The following GRIN2D variants were observed in gnomAD, a reference collection of about 807,000 sequenced individuals.
GRIN2D encodes the protein glutamate receptor ionotropic, NMDA 2D.
In GRIN2D, 37 loss-of-function variants were observed where a neutral mutation model predicts 103.2. The observed-to-expected ratio is 0.36, with a 90% confidence interval of 0.28 to 0.47. The LOEUF (loss-of-function observed/expected upper bound fraction) is 0.47. GRIN2D is among the 20% of genes least tolerant of loss of function. GRIN2D has a pLI of 1.00. For missense variants in GRIN2D, 1,557 were observed against 1,910.6 expected (o/e 0.81, Z 3.45); for synonymous variants, 845 against 885.6 (o/e 0.95, Z 0.81).
chr19:48,405,172 G>T lies in GRIN2D; in HGVS notation c.904G>T (p.Ala302Ser). ...PLLPGGAPLPAGLFAVRSAGW... is the reference protein window; with the variant it reads ...PLLPGGAPLPSGLFAVRSAGW... Reference sequence around the variant, plus strand: ...TCTGCCAGGAGGCGCCCCCCTGCCTGCCGGGCTGTTTGCAGTGCGCTCGGC... The same window carrying T: ...TCTGCCAGGAGGCGCCCCCCTGCCTTCCGGGCTGTTTGCAGTGCGCTCGGC... Residue 302 changes from alanine (A) to serine (S), a missense_variant, in exon 4 of 14, where the codon GCC (alanine) becomes TCC (serine). Physicochemically the swap from Ala to Ser is moderately conservative, Grantham distance 99 (BLOSUM62 1). Around this residue, in one of 7 missense-constraint regions of GRIN2D, gnomAD observed 490 missense variants for 601.1 expected, o/e 0.82. Coordinates refer to ENST00000263269, the MANE Select transcript of GRIN2D (RefSeq NM_000836.4). The surrounding 1 kb of genome is among the most constrained non-coding windows in gnomAD (Gnocchi z 5.1). 1 of 1,592,138 alleles carries T rather than the reference G, an allele frequency of 6.3e-7. No individual in the cohort carries two copies. Among genetic ancestry groups the T allele is most frequent in the Non-Finnish European group, 8.5e-7 (1 of 1,171,618 alleles).
chr19:48,426,180 CTTT>C (rs1038320362), intron 11 of GRIN2D, among the ~76,000 whole-genome samples: 3 of 147,282 alleles, frequency 2.0e-5, no homozygotes, highest in Non-Finnish European at 3.0e-5. Flanking sequence ...ATGAATATTG[CTTT>C]TTTTCTTTTC....
chr19:48,431,972 G>T (rs945791769), intron 11 of GRIN2D, among the ~76,000 whole-genome samples: 30 of 151,116 alleles, frequency 2.0e-4, no homozygotes, highest in African/African-American at 6.6e-4. Context: ...AAGTGCAGTG[G>T]CGTGATCTTG....
intron 4 of GRIN2D, among the ~76,000 whole-genome samples, chr19:48,413,061 G>A (rs1393584476): frequency 1.4e-4 from 20 of 144,648 alleles, no homozygotes; most frequent in African/African-American, 4.6e-4. Flanking sequence ...GCTTGAACCC[G>A]GGAGGCGGAG....
intron 2 of GRIN2D, 35 bp from the exon 3 acceptor site, chr19:48,398,332 C>T: frequency 1.1e-6 from 1 of 925,744 alleles, no homozygotes. Context: ...CTGTGCCTCC[C>T]TCTCCTCCCC....
intron 3 of GRIN2D, among the ~76,000 whole-genome samples, chr19:48,402,815 A>G (rs1283673312): frequency 6.9e-6 from 1 of 144,682 alleles, no homozygotes; most frequent in East Asian, 2.2e-4. Flanking sequence ...AATAGGGAAC[A>G]GTCTTGAGAT....
Position 48,419,758 on chromosome 19 carries a change from G to A in GRIN2D, c.2035G>A (p.Ala679Thr). Residue 679 changes from alanine to threonine, a missense_variant, in exon 10 of 14, where the codon GCC (alanine) becomes ACC (threonine). Physicochemically the swap from Ala to Thr is moderately conservative, Grantham distance 58. Transcript: ENST00000263269. Reference protein sequence around the residue: ...FLASYTANLAAFMIQEEYVDT... With the variant: ...FLASYTANLATFMIQEEYVDT... ...CGCCAGCTACACAGCCAACCTGGCC[G>A]CCTTCATGATCCAGGAGGAGTACGT... 1 of 1,613,774 alleles carries A rather than the reference G, an allele frequency of 6.2e-7. No individual in the cohort carries two copies. The highest frequency in any genetic ancestry group is 8.5e-7 in the Non-Finnish European group (1 of 1,179,930).
chr19:48,408,061 G>A (rs1046768705), intron 4 of GRIN2D, among the ~76,000 whole-genome samples: 3 of 152,120 alleles, frequency 2.0e-5, no homozygotes, highest in East Asian at 1.9e-4. Flanking sequence ...TTGGCCGGGC[G>A]TGGTGGCTCA....
rs781152730 is a variant in GRIN2D at position 48,441,983 on chromosome 19, A to T, written c.2440+27A>T. The T allele has an allele frequency of 3.4e-5, 54 of 1,585,976 alleles. 3 individuals are homozygous for T. In the South Asian group the frequency reaches 5.8e-4, roughly 17 times the overall value. ...TGCGGCTGCACACAGGGATTTCCAC[A>T]GCGGAGAGGGGGAGGGCGAGGCCCC... is the stretch of plus-strand genomic sequence containing the variant. On this transcript the variant is annotated intron_variant, in intron 12 of 13. Transcript: ENST00000263269.
chr19:48,412,364 A>G (rs1478871227), intron 4 of GRIN2D, among the ~76,000 whole-genome samples: 10 of 150,310 alleles, frequency 6.7e-5, no homozygotes, highest in Non-Finnish European at 1.0e-4. Flanking sequence ...TACATACATA[A>G]AAATTTAAAA....
At chr19:48,417,246 A>C (rs981530292) in intron 8 of GRIN2D, among the ~76,000 whole-genome samples, 1 of 152,200 alleles carries the variant, frequency 6.6e-6, no homozygotes, top group African/African-American at 2.4e-5. Context: ...TCTCTAAAAA[A>C]GAACAAAGAA....
intron 11 of GRIN2D, among the ~76,000 whole-genome samples, chr19:48,430,273 C>T (rs1026762657): frequency 6.6e-6 from 1 of 152,140 alleles, no homozygotes; most frequent in Non-Finnish European, 1.5e-5. Context: ...GATCTTGGCT[C>T]ACTGCAATCT....
Position 48,419,318 on chromosome 19 carries a change from T to G in GRIN2D, c.1820T>G (p.Leu607Arg). ...GTCACTGTTTTCATCTTCGAGTACC[T>G]CAGTCCTGTTGGTTACAACCGCAGC... ...VAVTVFIFEY[L>R]SPVGYNRSLA... Residue 607 changes from leucine (L) to arginine (R), a missense_variant, in exon 9 of 14, where the codon CTC becomes CGC. Leu to Arg is a moderately radical substitution (Grantham distance 102). This residue lies in a region of GRIN2D where 197 missense variants were observed against 334.1 expected (regional missense o/e 0.59). Transcript: ENST00000263269. 6.2e-7 allele frequency: 1 copy of G among 1,609,622 alleles called. No homozygotes were observed.
Position 48,398,584 on chromosome 19 carries a change from C to A in GRIN2D, c.192C>A (p.Ala64=). The A allele has an allele frequency of 2.5e-6, 3 of 1,197,926 alleles. No homozygotes were observed. In the South Asian group the frequency reaches 1.2e-4, roughly 48 times the overall value. The allele number at this position is 1,197,926 out of a possible 1,614,324, so 74.2% of individuals were successfully genotyped here. ...TGTTCTCGGGGCCCGCGTACGCGGC[C>A]GAGGCGGCACGCCTGGGCCCGGCCG... ...ALVFSGPAYA[A]EAARLGPAVA... The change falls in exon 3 of 14, where the codon GCC becomes GCA. Residue 64 remains alanine (A), a synonymous_variant. Transcript: ENST00000263269.
chr19:48,424,136 C>T (rs1184143462), intron 11 of GRIN2D, among the ~76,000 whole-genome samples: 3 of 148,306 alleles, frequency 2.0e-5, no homozygotes, highest in Admixed American at 6.7e-5. Context: ...ATTTCTAATG[C>T]CCAATGCAGT....
chr19:48,435,412 C>T (rs1971217494), intron 11 of GRIN2D, among the ~76,000 whole-genome samples: 2 of 151,484 alleles, frequency 1.3e-5, no homozygotes, highest in Admixed American at 1.3e-4. Flanking sequence ...GCCTCAGCCT[C>T]CCAAGTAGCT....
chr19:48,396,342 G>A (rs900270335), intron 2 of GRIN2D, among the ~76,000 whole-genome samples: 1 of 151,914 alleles, frequency 6.6e-6, no homozygotes, highest in Admixed American at 6.5e-5. Flanking sequence ...AACTGAGCAT[G>A]CAGCCCCCGT....
intron 8 of GRIN2D, 140 bp from the exon 9 acceptor site, chr19:48,419,094 G>A (rs1970982716): frequency 3.3e-6 from 2 of 609,302 alleles, no homozygotes; most frequent in African/African-American, 1.9e-5. Context: ...GGCCAGTCTG[G>A]TCTTGAACTC....
chr19:48,394,550 A>G lies in GRIN2D; in HGVS notation c.-305-108A>G, dbSNP rs1273610218. Reference sequence around the variant, plus strand: ...GAAAGGGGGGAGGAGCCGGGGCTGAAGCGGCAGAGGGGGGCACCCCGGGTG... The same window carrying G: ...GAAAGGGGGGAGGAGCCGGGGCTGAGGCGGCAGAGGGGGGCACCCCGGGTG... On this transcript the variant is annotated intron_variant, in intron 1 of 13. Transcript: ENST00000263269. This position sits in a 1 kb window ranked among gnomAD's most constrained non-coding sequence, Gnocchi z 5.1. 1.0e-5 allele frequency among the ~76,000 whole-genome samples: 1 copy of G among 98,800 alleles called. No homozygotes were observed. Among genetic ancestry groups the G allele is most frequent in the East Asian group, 3.2e-4 (1 of 3,098 alleles). The allele number at this position is 98,800 out of a possible 152,430, so 64.8% of individuals were successfully genotyped here. A position where few individuals can be genotyped will look rare whatever the true frequency, so the allele number is the denominator to read the frequency against.
rs1600970416 is a variant in GRIN2D at position 48,402,649 on chromosome 19, G to A, written c.466-2085G>A. Among the ~76,000 whole-genome samples, 4 of 149,960 alleles carry A rather than the reference G, an allele frequency of 2.7e-5. No individual in the cohort carries two copies. In the South Asian group the frequency reaches 6.3e-4, roughly 24 times the overall value. On this transcript the variant is annotated intron_variant, in intron 3 of 13. Coordinates refer to ENST00000263269, the MANE Select transcript of GRIN2D (RefSeq NM_000836.4). ...GGAGAATGGCGTGAACCCGGGAAGCGGAGCTTTCAGTGAGCCGAGATTGCG... is the reference window on the plus strand; with the variant it reads ...GGAGAATGGCGTGAACCCGGGAAGCAGAGCTTTCAGTGAGCCGAGATTGCG...
Sources: gnomAD v4.1 joint callset for allele counts (sites outside exome capture counted in the v4.1 genomes callset) on GRCh38, gnomAD v4.1.1 for gene constraint, gnomAD v4.1.1 regional missense constraint, Gnocchi (gnomAD v3.1) non-coding constraint, MANE v1.5 for transcripts, NCBI Gene and HGNC (gene_info 2026-07-23, HGNC 2026-07-21) for gene names.